Variants in MAN1A1 observed in about 807,000 individuals in gnomAD.
MAN1A1 encodes mannosidase alpha class 1A member 1, also known as mannosyl-oligosaccharide 1,2-alpha-mannosidase IA.
In MAN1A1, 29 loss-of-function variants were observed where a neutral mutation model predicts 70.8. That is an observed-to-expected ratio of 0.41 (90% CI 0.31 to 0.56). The LOEUF (loss-of-function observed/expected upper bound fraction) is 0.56. Among genes scored for constraint, MAN1A1 ranks in the 20% least tolerant of loss-of-function variants. The pLI, the probability that MAN1A1 is intolerant of heterozygous loss-of-function variation, is 0.29. For missense variants in MAN1A1, 747 were observed against 841.3 expected, an observed-to-expected ratio of 0.89 and a Z score of 1.39; for synonymous variants, 349 against 330.1, an observed-to-expected ratio of 1.06 and a Z score of -0.62.
intron 6 of MAN1A1, among the ~76,000 whole-genome samples, chr6:119,240,728 T>C (rs1774982008): frequency 6.6e-6 from 1 of 152,234 alleles, no homozygotes; most frequent in Non-Finnish European, 1.5e-5. Flanking sequence ...TTGTCCGTAA[T>C]GTCTCCATAA....
At chr6:119,240,603 A>G (rs887865049) in intron 6 of MAN1A1, among the ~76,000 whole-genome samples, 17 of 152,318 alleles carry the variant, frequency 1.1e-4, no homozygotes, top group Admixed American at 6.5e-4. Flanking sequence ...TTATGACCAG[A>G]GAAGTGGGAA....
Position 119,211,058 on chromosome 6 carries a change from G to A in MAN1A1, c.993-6176C>T, listed in dbSNP as rs117722482. On this transcript the variant is annotated intron_variant, in intron 6 of 12. Coordinates refer to ENST00000368468, the MANE Select transcript of MAN1A1 (RefSeq NM_005907.4). ...TAGAAGCATAGTATATTCCATCTTC[G>A]GAAATAATAATAATATATGAAGTTA... 5.2e-3 allele frequency: 1,516 copies of A among 294,320 alleles called. 19 individuals are homozygous for A. Among genetic ancestry groups the A allele is most frequent in the South Asian group, 0.02 (657 of 33,054 alleles). The allele number at this position is 294,320 out of a possible 1,614,324, so 18.2% of individuals were successfully genotyped here.
At chr6:119,183,495 A>G (rs573390762) in intron 11 of MAN1A1, among the ~76,000 whole-genome samples, 144 of 152,322 alleles carry the variant, frequency 9.5e-4, no homozygotes, top group African/African-American at 3.4e-3. Flanking sequence ...GAATTTAGAA[A>G]AAATGGGCAA....
chr6:119,349,106 A>T lies in MAN1A1; in HGVS notation c.-41T>A. On this transcript the variant is annotated 5_prime_UTR_variant, in exon 2 of 13. Transcript: ENST00000368468. ...GTGGTCCGGCGCCGCGCCGCTCAGC[A>T]GCCAAACTTCGCCGCCGCTGGGAGT... 7.9e-7 allele frequency: 1 copy of T among 1,263,076 alleles called. No homozygotes were observed. The highest frequency in any genetic ancestry group is 9.9e-7 in the Non-Finnish European group (1 of 1,005,252). 78.2% of individuals were successfully genotyped at this position (1,263,076 alleles called of 1,614,324 possible).
intron 6 of MAN1A1, among the ~76,000 whole-genome samples, chr6:119,226,165 A>T (rs79407691): frequency 0.017 from 2,568 of 152,318 alleles, 61 homozygotes; most frequent in African/African-American, 0.059. Context: ...ATGAAGACAG[A>T]CAACTAACAT....
intron 5 of MAN1A1, among the ~76,000 whole-genome samples, chr6:119,251,486 C>T (rs1582736607): frequency 6.6e-6 from 1 of 152,272 alleles, no homozygotes; most frequent in South Asian, 2.1e-4. Flanking sequence ...TCCAAATTTA[C>T]CCATTCTTTA....
At chr6:119,214,487 C>A (rs926784252) in intron 6 of MAN1A1, among the ~76,000 whole-genome samples, 1 of 151,970 alleles carries the variant, frequency 6.6e-6, no homozygotes, top group Non-Finnish European at 1.5e-5. Flanking sequence ...TTGTAAAATG[C>A]AAAAAGTAAA....
intron 2 of MAN1A1, among the ~76,000 whole-genome samples, chr6:119,318,968 G>A (rs948019262): frequency 6.6e-6 from 1 of 152,154 alleles, no homozygotes; most frequent in African/African-American, 2.4e-5. Flanking sequence ...TAGCTTGAAT[G>A]TCAATAATAC....
intron 2 of MAN1A1, among the ~76,000 whole-genome samples, chr6:119,310,329 G>T (rs1772667007): frequency 6.6e-6 from 1 of 152,136 alleles, no homozygotes; most frequent in African/African-American, 2.4e-5. Flanking sequence ...AAAATTACAT[G>T]ATTTTTCCAG....
chr6:119,270,708 A>G (rs1325126832), intron 5 of MAN1A1, among the ~76,000 whole-genome samples: 1 of 152,200 alleles, frequency 6.6e-6, no homozygotes, highest in Non-Finnish European at 1.5e-5. Context: ...CGCTTGTGTC[A>G]TTTACACCTG....
At chr6:119,301,689 G>A (rs1772393526) in intron 4 of MAN1A1, among the ~76,000 whole-genome samples, 1 of 152,186 alleles carries the variant, frequency 6.6e-6, no homozygotes, top group South Asian at 2.1e-4. Flanking sequence ...ATACAAAGGT[G>A]TGAAATTAAT....
chr6:119,214,644 T>C (rs1582702955), intron 6 of MAN1A1, among the ~76,000 whole-genome samples: 3 of 152,186 alleles, frequency 2.0e-5, no homozygotes, highest in Admixed American at 2.0e-4. Flanking sequence ...CTCAGCCTCC[T>C]GAGGCGCATA....
chr6:119,343,702 G>A (rs1435427142), intron 2 of MAN1A1, among the ~76,000 whole-genome samples: 3 of 152,076 alleles, frequency 2.0e-5, no homozygotes, highest in Non-Finnish European at 4.4e-5. Flanking sequence ...TATTATTTTC[G>A]TCTACTTGGC....
chr6:119,308,871 G>A (rs749776744), intron 2 of MAN1A1, among the ~76,000 whole-genome samples: 2 of 152,052 alleles, frequency 1.3e-5, no homozygotes, highest in Non-Finnish European at 2.9e-5. Flanking sequence ...AAAAAGTTAC[G>A]ATAATTTGTT....
At chr6:119,288,757 C>G (rs1234642920) in intron 5 of MAN1A1, among the ~76,000 whole-genome samples, 1 of 151,418 alleles carries the variant, frequency 6.6e-6, no homozygotes, top group Non-Finnish European at 1.5e-5. Context: ...ATTCTGGAAA[C>G]TATAAGAAAA....
intron 5 of MAN1A1, among the ~76,000 whole-genome samples, chr6:119,264,213 G>A (rs1020135279): frequency 9.2e-5 from 14 of 152,196 alleles, no homozygotes; most frequent in African/African-American, 2.9e-4. Context: ...CAGAAGCTCT[G>A]AGAGCAGGGC....
At chr6:119,277,216 G>C (rs976603763) in intron 5 of MAN1A1, among the ~76,000 whole-genome samples, 6 of 152,074 alleles carry the variant, frequency 3.9e-5, no homozygotes, top group African/African-American at 1.4e-4. Flanking sequence ...GGCATACTCA[G>C]ATATATGACC....
intron 11 of MAN1A1, among the ~76,000 whole-genome samples, chr6:119,181,927 C>G (rs1773163860): frequency 2.0e-5 from 3 of 152,128 alleles, no homozygotes; most frequent in South Asian, 2.1e-4. Context: ...TATGGTAGCT[C>G]TATTTTTAAT....
At chr6:119,182,905 A>T (rs1187045575) in intron 11 of MAN1A1, among the ~76,000 whole-genome samples, 1 of 151,808 alleles carries the variant, frequency 6.6e-6, no homozygotes, top group Non-Finnish European at 1.5e-5. Flanking sequence ...CTCCCATTTA[A>T]TCCAACTACC....
Sources: gnomAD v4.1 joint callset for allele counts (sites outside exome capture counted in the v4.1 genomes callset) on GRCh38, gnomAD v4.1.1 for gene constraint, MANE v1.5 for transcripts, NCBI Gene and HGNC (gene_info 2026-07-23, HGNC 2026-07-21) for gene names.